The following ABCA12 variants were observed in gnomAD, a reference collection of about 807,000 sequenced individuals.
ABCA12 encodes the protein ATP binding cassette subfamily A member 12, also known as glucosylceramide transporter ABCA12.
In ABCA12, 156 loss-of-function variants were observed where a neutral mutation model predicts 293.5. The observed-to-expected ratio is 0.53, with a 90% CI of 0.47 to 0.61. ABCA12 has a LOEUF of 0.61. Ranked by LOEUF, ABCA12 falls within the 20% of genes least tolerant of loss-of-function variation. The probability of loss-of-function intolerance (pLI) is 0.00; values close to 1 mark genes in which losing one functional copy is unlikely to be tolerated. For missense variants in ABCA12, 2,797 were observed against 3,090.2 expected, an observed-to-expected ratio of 0.91 and a Z score of 2.25; for synonymous variants, 1,063 against 1,108.0, an observed-to-expected ratio of 0.96 and a Z score of 0.81.
chr2:215,010,584 T>C (rs775161035), intron 17 of ABCA12, 114 bp from the exon 18 acceptor site: 1 of 1,182,118 alleles, frequency 8.5e-7, no homozygotes, highest in Non-Finnish European at 1.2e-6. Flanking sequence ...GCTCTAGTAC[T>C]TCCTATATTA....
intron 2 of ABCA12, among the ~76,000 whole-genome samples, chr2:215,065,779 T>A (rs944962666): frequency 4.6e-5 from 7 of 152,040 alleles, no homozygotes; most frequent in African/African-American, 1.7e-4. Flanking sequence ...AACTGTAAAA[T>A]AATAAGTTTG....
intron 2 of ABCA12, among the ~76,000 whole-genome samples, chr2:215,087,027 C>T (rs187662367): frequency 6.6e-6 from 1 of 152,092 alleles, no homozygotes; most frequent in East Asian, 1.9e-4. Context: ...ACCACAACCC[C>T]CGCCTCCCAG....
rs1446583204 is a variant in ABCA12 at position 214,978,467 on chromosome 2, C to G, written c.4978-1G>C. 1 of 1,612,930 alleles carries G rather than the reference C, an allele frequency of 6.2e-7. No individual in the cohort carries two copies. The highest frequency in any genetic ancestry group is 1.3e-5 in the African/African-American group (1 of 74,898). ...ACTCTTTGGTCAAGTTCAGAAAGAC[C>G]TAGAAAGAGAAGCCAGATCACTTCA... On this transcript the variant is annotated splice_acceptor_variant, in intron 32 of 52. Coordinates refer to ENST00000272895, the MANE Select transcript of ABCA12 (RefSeq NM_173076.3). LOFTEE classifies it high-confidence loss of function.
At chr2:214,934,341 A>T (rs1340805416) in intron 51 of ABCA12, 126 bp from the exon 52 acceptor site, 1 of 1,062,100 alleles carries the variant, frequency 9.4e-7, no homozygotes, top group African/African-American at 1.6e-5. Flanking sequence ...ATGCTACAGT[A>T]TAAATAACGA....
At chr2:214,972,155 G>T (rs1245490793) in intron 36 of ABCA12, among the ~76,000 whole-genome samples, 1 of 151,902 alleles carries the variant, frequency 6.6e-6, no homozygotes, top group Admixed American at 6.6e-5. Flanking sequence ...GTCCTTTGTT[G>T]TATATTGTGA....
intron 2 of ABCA12, among the ~76,000 whole-genome samples, chr2:215,084,987 G>A (rs986038787): frequency 6.6e-6 from 1 of 151,528 alleles, no homozygotes; most frequent in African/African-American, 2.4e-5. Context: ...CTAGCTACTT[G>A]GGAGGCTGAG....
chr2:215,036,131 T>G (rs1277342911), intron 8 of ABCA12, among the ~76,000 whole-genome samples: 2 of 152,188 alleles, frequency 1.3e-5, no homozygotes, highest in African/African-American at 2.4e-5. Context: ...ATTCTGAAAC[T>G]GTAGATATAA....
rs911026214 is a variant in ABCA12, at chr2:214,932,626, TG to T, written c.*7del. The T allele has an allele frequency of 1.1e-5, 18 of 1,603,270 alleles. No homozygotes were observed. The highest frequency in any genetic ancestry group is 1.5e-5 in the Non-Finnish European group (18 of 1,170,514). On this transcript the variant is annotated 3_prime_UTR_variant, in exon 53 of 53. Transcript: ENST00000272895. ...GGTCACACGCTGAGATTGAGTTTGC[TG>T]GAAGTGTTAAGACTCCATCTGGTCA...
At position 214,948,753 on chromosome 2, in the gene ABCA12, C is replaced by G. The variant is rs1698659655; in HGVS notation, c.6963-16G>C. On this transcript the variant is annotated splice_polypyrimidine_tract_variant and intron_variant, in intron 46 of 52. Transcript: ENST00000272895. Reference sequence around the variant, plus strand: ...ACCCAGAGATCTGAATTGAGAGAATCAAAAACACAGATGAATTTCAAAAGA... The same window carrying G: ...ACCCAGAGATCTGAATTGAGAGAATGAAAAACACAGATGAATTTCAAAAGA... 1 of 1,613,688 alleles carries G rather than the reference C, an allele frequency of 6.2e-7. No homozygotes were observed. The highest frequency in any genetic ancestry group is 1.1e-5 in the South Asian group (1 of 91,034).
At chr2:215,111,873 G>T (rs1419579649) in intron 1 of ABCA12, among the ~76,000 whole-genome samples, 183 bp from the exon 2 acceptor site, 1 of 152,006 alleles carries the variant, frequency 6.6e-6, no homozygotes, top group Non-Finnish European at 1.5e-5. Flanking sequence ...ACCTGTAAAT[G>T]CACAGAAGAA....
intron 31 of ABCA12, among the ~76,000 whole-genome samples, chr2:214,980,181 T>C (rs1029557592): frequency 3.3e-5 from 5 of 152,206 alleles, no homozygotes; most frequent in Admixed American, 2.6e-4. Flanking sequence ...ACCTAGCACA[T>C]TGGTTCTGAA....
chr2:215,001,117 T>C (rs763009472), intron 21 of ABCA12, 97 bp from the exon 22 acceptor site: 25 of 1,216,938 alleles, frequency 2.1e-5, no homozygotes, highest in Middle Eastern at 2.6e-4. Flanking sequence ...AAACAGTCAA[T>C]TGAGTTAGTA....
At chr2:215,054,058 T>A (rs1340479657) in intron 4 of ABCA12, among the ~76,000 whole-genome samples, 1 of 152,076 alleles carries the variant, frequency 6.6e-6, no homozygotes, top group African/African-American at 2.4e-5. Flanking sequence ...CACTGAAGAC[T>A]GTGATACTAA....
chr2:215,112,000 C>T (rs1403038002), intron 1 of ABCA12, among the ~76,000 whole-genome samples: 1 of 152,086 alleles, frequency 6.6e-6, no homozygotes, highest in Non-Finnish European at 1.5e-5. Context: ...TTACTTCATT[C>T]CTTAAAAATC....
intron 51 of ABCA12, among the ~76,000 whole-genome samples, chr2:214,935,772 G>A (rs1196617433): frequency 6.6e-6 from 1 of 152,074 alleles, no homozygotes; most frequent in Non-Finnish European, 1.5e-5. Context: ...ACTCCAGCCT[G>A]GGCAACATAG....
chr2:214,997,567 G>C, intron 23 of ABCA12, 128 bp downstream of exon 23: 1 of 681,482 alleles, frequency 1.5e-6, no homozygotes, highest in Admixed American at 3.2e-5. Flanking sequence ...TTTGTAAAAG[G>C]TTTTTCTTTC....
At chr2:215,052,729 TA>T in intron 4 of ABCA12, 145 bp from the exon 5 acceptor site, 1 of 743,640 alleles carries the variant, frequency 1.3e-6, no homozygotes, top group East Asian at 2.8e-5. Flanking sequence ...ATGGAAGTTT[TA>T]TACTGGAAAA....
At position 214,966,707 on chromosome 2, in the gene ABCA12, C is replaced by A. The variant is rs189436729; in HGVS notation, c.5884+141G>T. ...ATGTTGCATCTGGCGATAGTTACTA[C>A]TTCTAAACTCCTTTTAAAGACCTGT... On this transcript the variant is annotated intron_variant, in intron 39 of 52. Coordinates refer to ENST00000272895, the MANE Select transcript of ABCA12 (RefSeq NM_173076.3). 8.7e-5 allele frequency: 67 copies of A among 768,510 alleles called. No homozygotes were observed. In the East Asian group the frequency reaches 1.7e-3, roughly 20 times the overall value. The allele number at this position is 768,510 out of a possible 1,614,324, so 47.6% of individuals were successfully genotyped here.
At chr2:215,041,078 C>T (rs1057431793) in intron 7 of ABCA12, among the ~76,000 whole-genome samples, 8 of 151,400 alleles carry the variant, frequency 5.3e-5, no homozygotes, top group South Asian at 2.1e-4. Flanking sequence ...GTTCTCACCA[C>T]AAAAAAATAA....
Sources: allele counts gnomAD v4.1 joint callset (sites outside exome capture counted in the v4.1 genomes callset), GRCh38; gene constraint gnomAD v4.1.1; transcripts MANE v1.5; gene names NCBI Gene and HGNC (gene_info 2026-07-23, HGNC 2026-07-21).